The following KDM3B variants were observed in gnomAD, a reference collection of about 807,000 sequenced individuals.
The protein encoded by KDM3B is lysine demethylase 3B.
A neutral mutation model predicts 170.0 loss-of-function variants in KDM3B; 10 were observed. The observed-to-expected ratio is 0.06, with a 90% CI of 0.04 to 0.10. The LOEUF (loss-of-function observed/expected upper bound fraction) is 0.10. Ranked by LOEUF, KDM3B falls within the 10% of genes least tolerant of loss-of-function variation. The probability of loss-of-function intolerance (pLI) is 1.00; values close to 1 mark genes in which losing one functional copy is unlikely to be tolerated. For synonymous variants in KDM3B, 831 were observed against 834.8 expected, an observed-to-expected ratio of 1.00 and a Z score of 0.08; for missense variants, 1,394 against 2,195.2, an observed-to-expected ratio of 0.64 and a Z score of 7.29.
intron 11 of KDM3B, among the ~76,000 whole-genome samples, chr5:138,409,103 C>G (rs937579632): frequency 6.6e-6 from 1 of 152,196 alleles, no homozygotes. Context: ...AGATTGACTT[C>G]TTCCTCTTAG....
intron 9 of KDM3B, among the ~76,000 whole-genome samples, chr5:138,395,890 T>C (rs1399560669): frequency 6.6e-6 from 1 of 151,964 alleles, no homozygotes; most frequent in Non-Finnish European, 1.5e-5. Flanking sequence ...AGTGCAGGGC[T>C]TATGGGTGTG....
chr5:138,402,882 G>A (rs1466049553), intron 11 of KDM3B, among the ~76,000 whole-genome samples: 1 of 152,206 alleles, frequency 6.6e-6, no homozygotes, highest in African/African-American at 2.4e-5. Context: ...GACAGTCTGA[G>A]AAGAGTAAGG....
Position 138,377,832 on chromosome 5 carries a change from A to G in KDM3B, c.580+7A>G, listed in dbSNP as rs1246498637. 6 of 1,594,728 alleles carry G rather than the reference A, an allele frequency of 3.8e-6. No homozygotes were observed. Among genetic ancestry groups the G allele is most frequent in the Non-Finnish European group, 5.2e-6 (6 of 1,162,540 alleles). On this transcript the variant is annotated splice_region_variant and intron_variant, in intron 4 of 23. Transcript: ENST00000314358. The stretch of plus-strand genomic sequence containing the variant: ...CAAGAGATATTCAGCCGAGGTAAGA[A>G]CGGATAGTCTTCTGTCCCTGAACTC...
chr5:138,353,491 C>CT lies in KDM3B; in HGVS notation c.192+510dup, dbSNP rs1045208727. 3.5e-4 allele frequency among the ~76,000 whole-genome samples: 53 copies of CT among 152,146 alleles called. 1 individual carries two copies. The highest frequency in any genetic ancestry group is 1.2e-3 in the African/African-American group (50 of 41,438). ...AGGCTGCAGTTGGAGCTGGTCGGGG[C>CT]TTTTTTATCTGGCAGTTACTTCCTC... On this transcript the variant is annotated intron_variant, in intron 1 of 23. Coordinates refer to ENST00000314358, the MANE Select transcript of KDM3B (RefSeq NM_016604.4).
chr5:138,398,200 G>A lies in KDM3B; in HGVS notation c.2854G>A (p.Val952Ile). ...FRRLIFTRKG[V>I]LRVEGFLSPQ... ...CAGGTTGATCTTCACTCGAAAAGGG[G>A]TACTCCGTGTGGAGGGGTTTTTAAG... is the stretch of plus-strand genomic sequence containing the variant. The change falls in exon 10 of 24, where the codon GTA becomes ATA. Residue 952 changes from valine (V) to isoleucine (I), a missense_variant. Val to Ile is a conservative substitution (Grantham distance 29, BLOSUM62 3). Coordinates refer to ENST00000314358, the MANE Select transcript of KDM3B (RefSeq NM_016604.4). 6.2e-7 allele frequency: 1 copy of A among 1,613,616 alleles called. No homozygotes were observed. Among genetic ancestry groups the A allele is most frequent in the African/African-American group, 1.3e-5 (1 of 75,044 alleles).
At chr5:138,427,736 A>G (rs1368547732) in intron 19 of KDM3B, among the ~76,000 whole-genome samples, 1 of 152,178 alleles carries the variant, frequency 6.6e-6, no homozygotes, top group South Asian at 2.1e-4. Context: ...TTTGTTTTTC[A>G]TGGAGAGATT....
At chr5:138,353,014 G>C in intron 1 of KDM3B, 27 bp downstream of exon 1, 10 of 1,216,832 alleles carry the variant, frequency 8.2e-6, no homozygotes, top group Non-Finnish European at 1.0e-5. Flanking sequence ...TCGGGCACTC[G>C]AGGCCGGGGC....
intron 11 of KDM3B, among the ~76,000 whole-genome samples, chr5:138,403,434 G>A (rs748023096): frequency 6.6e-6 from 1 of 152,120 alleles, no homozygotes; most frequent in Non-Finnish European, 1.5e-5. Context: ...TCAGCACTTT[G>A]GGAGGCCCAG....
At position 138,377,835 on chromosome 5, in the gene KDM3B, G is replaced by T. The variant is rs548215700; in HGVS notation, c.580+10G>T. 6.3e-7 allele frequency: 1 copy of T among 1,586,782 alleles called. No homozygotes were observed. The highest frequency in any genetic ancestry group is 8.7e-7 in the Non-Finnish European group (1 of 1,155,388). Reference sequence around the variant, plus strand: ...GAGATATTCAGCCGAGGTAAGAACGGATAGTCTTCTGTCCCTGAACTCTGA... The same window carrying T: ...GAGATATTCAGCCGAGGTAAGAACGTATAGTCTTCTGTCCCTGAACTCTGA... On this transcript the variant is annotated intron_variant, in intron 4 of 23. Transcript: ENST00000314358.
chr5:138,377,800 A>G lies in KDM3B; in HGVS notation c.555A>G (p.Gln185=). 1.9e-6 allele frequency: 3 copies of G among 1,613,798 alleles called. No homozygotes were observed. In the South Asian group the frequency reaches 3.3e-5, roughly 18 times the overall value. ...CAGTTAATGCTTTGATCAGTGACCA[A>G]AAGCTACAAGAGATATTCAGCCGAG... is the stretch of plus-strand genomic sequence containing the variant. The part of the protein sequence containing the change: ...RETVNALISD[Q]KLQEIFSRGP... Residue 185 remains glutamine, a synonymous_variant, in exon 4 of 24, where the codon CAA becomes CAG. Coordinates refer to ENST00000314358, the MANE Select transcript of KDM3B (RefSeq NM_016604.4).
chr5:138,422,924 A>G (rs138884368), intron 15 of KDM3B, among the ~76,000 whole-genome samples: 2 of 152,100 alleles, frequency 1.3e-5, no homozygotes, highest in African/African-American at 4.8e-5. Context: ...AATTTGGGTT[A>G]TTTGTTTCTC....
intron 11 of KDM3B, among the ~76,000 whole-genome samples, chr5:138,409,120 G>T (rs1330684185): frequency 6.6e-6 from 1 of 152,122 alleles, no homozygotes; most frequent in Non-Finnish European, 1.5e-5. Context: ...TTAGGTTCAG[G>T]AACAAAGCAA....
At chr5:138,400,155 C>A in intron 11 of KDM3B, 143 bp downstream of exon 11, 2 of 701,028 alleles carry the variant, frequency 2.9e-6, no homozygotes, top group South Asian at 2.5e-5. Context: ...TATTTTAAGA[C>A]CTTAAAATGG....
At chr5:138,380,282 C>T (rs921624506) in intron 5 of KDM3B, among the ~76,000 whole-genome samples, 3 of 149,818 alleles carry the variant, frequency 2.0e-5, no homozygotes, top group South Asian at 2.1e-4. Context: ...CCACTGCACC[C>T]GGCCAGAATA....
At chr5:138,354,595 A>T (rs535488319) in intron 1 of KDM3B, among the ~76,000 whole-genome samples, 1 of 152,236 alleles carries the variant, frequency 6.6e-6, no homozygotes, top group South Asian at 2.1e-4. Flanking sequence ...CTCCCCATTC[A>T]CTTTGTCGTT....
Position 138,430,393 on chromosome 5 carries a change from G to T in KDM3B, c.5038G>T (p.Ala1680Ser). The change falls in exon 22 of 24, where the codon GCT becomes TCT. Residue 1680 changes from alanine (A) to serine (S), a missense_variant. Transcript: ENST00000314358. ...GGCTATTGTGCAGTTCCTAGGTGAT[G>T]CTGTTTTCATACCTGCTGGAGCCCC... is the stretch of plus-strand genomic sequence containing the variant. ...GWAIVQFLGD[A>S]VFIPAGAPHQ... 1 of 1,614,078 alleles carries T rather than the reference G, an allele frequency of 6.2e-7. No individual in the cohort carries two copies. Among genetic ancestry groups the T allele is most frequent in the South Asian group, 1.1e-5 (1 of 91,086 alleles).
intron 1 of KDM3B, among the ~76,000 whole-genome samples, chr5:138,366,222 G>A (rs1018425962): frequency 6.6e-6 from 1 of 151,942 alleles, no homozygotes; most frequent in African/African-American, 2.4e-5. Flanking sequence ...CATAGTATAA[G>A]TTGTATTTTA....
chr5:138,408,591 T>C (rs1388551001), intron 11 of KDM3B, among the ~76,000 whole-genome samples: 1 of 152,028 alleles, frequency 6.6e-6, no homozygotes, highest in African/African-American at 2.4e-5. Flanking sequence ...TATACTAATA[T>C]CAAAACCAAA....
Position 138,391,622 on chromosome 5 carries a change from A to T in KDM3B, c.1990A>T (p.Thr664Ser). 1 of 1,614,096 alleles carries T rather than the reference A, an allele frequency of 6.2e-7. No individual in the cohort carries two copies. Among genetic ancestry groups the T allele is most frequent in the Non-Finnish European group, 8.5e-7 (1 of 1,180,000 alleles). ...GGCATCAGGTAGCTCCTCTTCTGCT[A>T]CCACTGTCACCTCCAAGGTGGCACC... ...SQASGSSSSA[T>S]TVTSKVAPSW... Residue 664 changes from threonine to serine, a missense_variant, in exon 8 of 24, where the codon ACC becomes TCC. Thr to Ser is a moderately conservative substitution (Grantham distance 58). This residue lies in a region of KDM3B where 294 missense variants were observed against 311.7 expected (regional missense o/e 0.94). Transcript: ENST00000314358. This position sits in a 1 kb window ranked among gnomAD's most constrained non-coding sequence, Gnocchi z 5.0.
Sources: gnomAD v4.1 joint callset for allele counts (sites outside exome capture counted in the v4.1 genomes callset) on GRCh38, gnomAD v4.1.1 for gene constraint, gnomAD v4.1.1 regional missense constraint, Gnocchi (gnomAD v3.1) non-coding constraint, MANE v1.5 for transcripts, NCBI Gene and HGNC (gene_info 2026-07-23, HGNC 2026-07-21) for gene names.